Variants in ZNF45 observed in about 807,000 individuals in gnomAD.
ZNF45 encodes the protein BRC1744.
In ZNF45, 4 loss-of-function variants were observed where a neutral mutation model predicts 12.0. The ratio of observed to expected loss-of-function variants is 0.33; its 90% CI spans 0.16 to 0.76. ZNF45 has a LOEUF of 0.76. ZNF45 is among the 30% of genes least tolerant of loss of function. The pLI is 0.60. For missense variants in ZNF45, 700 were observed against 813.0 expected, an observed-to-expected ratio of 0.86 and a Z score of 1.69; for synonymous variants, 272 against 279.6, an observed-to-expected ratio of 0.97 and a Z score of 0.27.
At chr19:43,930,250 A>G (rs1208181847) in intron 3 of ZNF45, among the ~76,000 whole-genome samples, 1 of 152,192 alleles carries the variant, frequency 6.6e-6, no homozygotes, top group Non-Finnish European at 1.5e-5. Context: ...TAACTCCTTC[A>G]TGCCCTCATG....
intron 2 of ZNF45, among the ~76,000 whole-genome samples, chr19:43,933,180 G>A (rs1373334902): frequency 1.3e-5 from 2 of 152,034 alleles, no homozygotes; most frequent in Non-Finnish European, 2.9e-5. Flanking sequence ...ATATATAAAC[G>A]ATTAGTGAGG....
rs752615569 is a variant in ZNF45, at chr19:43,914,703, C to T, written c.733G>A (p.Glu245Lys). 5 of 1,614,206 alleles carry T rather than the reference C, an allele frequency of 3.1e-6. No homozygotes were observed. In the South Asian group the frequency reaches 5.5e-5, roughly 18 times the overall value. ...LPHHQRVPTG[E>K]NPYKYEECGR... is the part of the protein sequence containing the mutation. ...CACTCTTCATATTTGTATGGATTCTCTCCAGTGGGAACTCTCTGATGATGG... is the reference window on the plus strand; with the variant it reads ...CACTCTTCATATTTGTATGGATTCTTTCCAGTGGGAACTCTCTGATGATGG... Residue 245 changes from glutamate to lysine, a missense_variant, in exon 10 of 10, where the codon GAG becomes AAG. Physicochemically the swap from Glu to Lys is moderately conservative, Grantham distance 56. Transcript: ENST00000269973.
rs149776092 is a variant in ZNF45, at chr19:43,914,355, T to C, written c.1081A>G (p.Lys361Glu). The C allele has an allele frequency of 7.0e-5, 113 of 1,613,010 alleles. No homozygotes were observed. The highest frequency in any genetic ancestry group is 9.1e-5 in the Non-Finnish European group (107 of 1,179,360). The stretch of plus-strand genomic sequence containing the variant: ...AAACCTTTCCCACACTCCTCACACT[T>C]ATAGGGTTTCTCTCCTGTGTGGATT... ...CRIHTGEKPY[K>E]CEECGKGFSV... Residue 361 changes from lysine to glutamate, a missense_variant, in exon 10 of 10, where the codon AAG (lysine) becomes GAG (glutamate). Transcript: ENST00000269973.
At chr19:43,926,512 A>G (rs1973690954) in intron 3 of ZNF45, 2 of 152,246 alleles carry the variant, frequency 1.3e-5, no homozygotes, top group Non-Finnish European at 2.9e-5. Flanking sequence ...TGAATTTATT[A>G]CTACTTCATT....
At chr19:43,930,162 C>G (rs1367366608) in intron 3 of ZNF45, among the ~76,000 whole-genome samples, 1 of 152,138 alleles carries the variant, frequency 6.6e-6, no homozygotes. Flanking sequence ...TGGAGGAATG[C>G]TGTGTCTTCA....
chr19:43,927,063 T>C (rs1973740918), intron 3 of ZNF45, among the ~76,000 whole-genome samples: 1 of 152,186 alleles, frequency 6.6e-6, no homozygotes, highest in South Asian at 2.1e-4. Flanking sequence ...TAAGAAACTC[T>C]TTCTTCTTTA....
At chr19:43,922,267 G>A (rs1252362604) in intron 6 of ZNF45, 50 bp from the exon 7 acceptor site, 66 of 1,319,844 alleles carry the variant, frequency 5.0e-5, no homozygotes, top group Non-Finnish European at 6.2e-5. Flanking sequence ...AGCCATGAGA[G>A]TTTGGCCAAA....
At chr19:43,933,664 G>T (rs189948809) in intron 2 of ZNF45, among the ~76,000 whole-genome samples, 135 of 151,948 alleles carry the variant, frequency 8.9e-4, no homozygotes, top group Non-Finnish European at 1.3e-3. Flanking sequence ...AAAAATAAGG[G>T]AATAACAACC....
At chr19:43,924,867 CAT>C (rs1351996858) in intron 4 of ZNF45, among the ~76,000 whole-genome samples, 1 of 148,860 alleles carries the variant, frequency 6.7e-6, no homozygotes, top group Admixed American at 7.0e-5. Flanking sequence ...ATACACAAAA[CAT>C]GTGGAACAGT....
In ZNF45 at chr19:43,913,791, A is replaced by C. The variant is rs1348548068; in HGVS notation, c.1645T>G (p.Cys549Gly). The C allele has an allele frequency of 1.9e-5, 29 of 1,565,688 alleles. No individual in the cohort carries two copies. Among genetic ancestry groups the C allele is most frequent in the African/African-American group, 1.7e-4 (11 of 63,794 alleles). Residue 549 changes from cysteine to glycine, a missense_variant, in exon 10 of 10, where the codon TGC (cysteine) becomes GGC (glycine). Physicochemically the swap from Cys to Gly is radical, Grantham distance 159. Transcript: ENST00000269973. ...VGSQLQAHQR[C>G]HTGEKPYQCE... ...TGATAGGGTTTCTCTCCAGTGTGGCACCTCTGATGGGCTTGAAGCTGTGAA... is the reference window on the plus strand; with the variant it reads ...TGATAGGGTTTCTCTCCAGTGTGGCCCCTCTGATGGGCTTGAAGCTGTGAA...
rs780094225 is a variant in ZNF45, at chr19:43,922,209, G to A, written c.-24C>T. 1.0e-5 allele frequency: 16 copies of A among 1,606,108 alleles called. No individual in the cohort carries two copies. On this transcript the variant is annotated 5_prime_UTR_variant, in exon 7 of 10. Coordinates refer to ENST00000269973, the MANE Select transcript of ZNF45 (RefSeq NM_003425.4). ...ATTTTGTCCTCCTCCTTCTGGAGAA[G>A]TGCCAAGTCTTAAGAGGGAAGGAGA...
intron 7 of ZNF45, among the ~76,000 whole-genome samples, chr19:43,920,567 C>A: frequency 6.8e-6 from 1 of 146,088 alleles, no homozygotes; most frequent in Non-Finnish European, 1.5e-5. Flanking sequence ...GTAAAGTCAC[C>A]CATGATAAAG....
At chr19:43,917,494 A>AT (rs139995318) in intron 9 of ZNF45, among the ~76,000 whole-genome samples, 2 of 151,530 alleles carry the variant, frequency 1.3e-5, no homozygotes, top group East Asian at 3.9e-4. Flanking sequence ...ATTTTTATTT[A>AT]TTTTTTTTGA....
intron 3 of ZNF45, chr19:43,926,393 T>G (rs978547915): frequency 2.0e-5 from 3 of 152,228 alleles, no homozygotes. Context: ...TCTCTGCTCT[T>G]CAAAGTCAGC....
chr19:43,929,990 C>T (rs1311457688), intron 3 of ZNF45: 4 of 152,204 alleles, frequency 2.6e-5, no homozygotes, highest in African/African-American at 9.7e-5. Flanking sequence ...TGTCTTAGTC[C>T]ATTTTTGCTG....
chr19:43,914,928 C>A lies in ZNF45; in HGVS notation c.508G>T (p.Val170Leu), dbSNP rs747364386. 1.2e-6 allele frequency: 2 copies of A among 1,612,700 alleles called. No homozygotes were observed. The highest frequency in any genetic ancestry group is 1.7e-5 in the Admixed American group (1 of 59,992). The change falls in exon 10 of 10, where the codon GTG becomes TTG. Residue 170 changes from valine (V) to leucine (L), a missense_variant. By Grantham distance (32) the Val-to-Leu change is conservative. Coordinates refer to ENST00000269973, the MANE Select transcript of ZNF45 (RefSeq NM_003425.4). ...TGAGAGCTCCAGCTGAAACTTTTCA[C>A]ACAATGTTCTCCTTTGTAGGGTTTT... ...GEKPYKGEHCVKSFSWSSHLQ... is the reference protein window; with the variant it reads ...GEKPYKGEHCLKSFSWSSHLQ...
At position 43,922,156 on chromosome 19, in the gene ZNF45, G is replaced by A. The variant is rs1973237452; in HGVS notation, c.15+15C>T. The A allele has an allele frequency of 1.9e-6, 3 of 1,609,352 alleles. No individual in the cohort carries two copies. The highest frequency in any genetic ancestry group is 1.7e-5 in the Admixed American group (1 of 59,928). On this transcript the variant is annotated intron_variant, in intron 7 of 9. Coordinates refer to ENST00000269973, the MANE Select transcript of ZNF45 (RefSeq NM_003425.4). The stretch of plus-strand genomic sequence containing the variant: ...GAGATGACAATTATTACGGAGAAAG[G>A]GAGGTCCAACTCACCTTAGACTTCG...
rs767988932 is a variant in ZNF45 at position 43,914,440 on chromosome 19, G to A, written c.996C>T (p.Tyr332=). The A allele has an allele frequency of 1.9e-5, 30 of 1,610,508 alleles. No individual in the cohort carries two copies. Among genetic ancestry groups the A allele is most frequent in the Non-Finnish European group, 2.4e-5 (28 of 1,178,072 alleles). ...AGCTCTTGCCACATGCATTGCATTT[G>A]TATGGTTTCTCGCCAGTGTGGATTC... is the stretch of plus-strand genomic sequence containing the variant. ...HERIHTGEKP[Y]KCNACGKSFS... The change falls in exon 10 of 10, where the codon TAC becomes TAT. Residue 332 remains tyrosine (Y), a synonymous_variant. Transcript: ENST00000269973.
At position 43,935,143 on chromosome 19, in the gene ZNF45, T is replaced by C. The variant is rs1485383179; in HGVS notation, c.-975A>G. On this transcript the variant is annotated 5_prime_UTR_variant, in exon 1 of 10. Transcript: ENST00000269973. Reference sequence around the variant, plus strand: ...CTCCGCTGCTCGCCGCAGCGTCTTTTCCTGCTGACCGAAGTGCGAGCCCTG... The same window carrying C: ...CTCCGCTGCTCGCCGCAGCGTCTTTCCCTGCTGACCGAAGTGCGAGCCCTG... The C allele has an allele frequency of 6.6e-6, 1 of 152,404 alleles. No individual in the cohort carries two copies. Among genetic ancestry groups the C allele is most frequent in the East Asian group, 1.9e-4 (1 of 5,196 alleles). The allele number at this position is 152,404 out of a possible 1,614,324, so 9.4% of individuals were successfully genotyped here. A position where few individuals can be genotyped will look rare whatever the true frequency, so the allele number is the denominator to read the frequency against.
Sources: gnomAD v4.1 joint callset for allele counts (sites outside exome capture counted in the v4.1 genomes callset) on GRCh38, gnomAD v4.1.1 for gene constraint, MANE v1.5 for transcripts, NCBI Gene and HGNC (gene_info 2026-07-23, HGNC 2026-07-21) for gene names.